The following MID1 variants were observed in gnomAD, a reference collection of about 807,000 sequenced individuals.
The protein encoded by MID1 is midline 1.
In MID1, 7 loss-of-function variants were observed where a neutral mutation model predicts 40.4. The observed-to-expected ratio is 0.17, with a 90% confidence interval of 0.10 to 0.33. The LOEUF (loss-of-function observed/expected upper bound fraction) is 0.33, where lower values mean the gene tolerates loss of function less well. Ranked by LOEUF, MID1 falls within the 10% of genes least tolerant of loss-of-function variation. The pLI is 1.00. For missense variants in MID1, 367 were observed against 558.5 expected, an observed-to-expected ratio of 0.66 and a Z score of 3.46; for synonymous variants, 229 against 221.2, an observed-to-expected ratio of 1.04 and a Z score of -0.31.
At chrX:10,729,106 G>A (rs772802117) in intron 1 of MID1, among the ~76,000 whole-genome samples, 1 of 111,790 alleles carries the variant, frequency 8.9e-6, no homozygotes, top group East Asian at 2.8e-4. Context: ...CCTAATGAAT[G>A]GGTGGCACAG....
At chrX:10,594,089 T>C (rs1785693471) in intron 1 of MID1, among the ~76,000 whole-genome samples, 1 of 111,336 alleles carries the variant, frequency 9.0e-6, no homozygotes, top group African/African-American at 3.3e-5. Flanking sequence ...TTGAAAATAG[T>C]ACAGTTGTTA....
intron 7 of MID1, among the ~76,000 whole-genome samples, chrX:10,468,651 G>C (rs1929519600): frequency 9.0e-6 from 1 of 111,571 alleles, no homozygotes; most frequent in African/African-American, 3.3e-5. Flanking sequence ...GTGGGTTGGA[G>C]GACTGCTTCC....
At position 10,523,193 on chromosome X, in the gene MID1, C is replaced by CA. The variant is rs375668839; in HGVS notation, c.661-7dup. On this transcript the variant is annotated splice_region_variant and splice_polypyrimidine_tract_variant and intron_variant, in intron 2 of 9. Coordinates refer to ENST00000317552, the MANE Select transcript of MID1 (RefSeq NM_000381.4). ...AGGTTACTCTCTAAGTTTTGCTGTT[C>CA]AAAAAAAAAAAAAAAAGAGGAAAAA... The CA allele has an allele frequency of 0.098, 68,772 of 704,538 alleles. 134 individuals carry two copies. The highest frequency in any genetic ancestry group is 0.16 in the African/African-American group (4,855 of 30,600). The allele number at this position is 704,538 out of a possible 1,213,427, so 58.1% of individuals were successfully genotyped here.
intron 1 of MID1, among the ~76,000 whole-genome samples, chrX:10,639,995 T>C (rs1453736911): frequency 9.0e-6 from 1 of 111,667 alleles, no homozygotes; most frequent in East Asian, 2.8e-4. Flanking sequence ...AGGCCTGCCT[T>C]ACAAGAGCTC....
chrX:10,632,652 T>C (rs1329510787), intron 1 of MID1, among the ~76,000 whole-genome samples: 2 of 110,278 alleles, frequency 1.8e-5, no homozygotes, highest in Admixed American at 9.6e-5. Flanking sequence ...GCCTAGAAAT[T>C]TGCATTTCTG....
intron 1 of MID1, among the ~76,000 whole-genome samples, chrX:10,639,184 G>C (rs1438280700): frequency 3.6e-5 from 4 of 112,187 alleles, no homozygotes; most frequent in Non-Finnish European, 7.5e-5. Context: ...AGAGAAGAAG[G>C]CTTCAGGTGA....
chrX:10,778,756 G>A (rs1274193285), intron 1 of MID1, among the ~76,000 whole-genome samples: 1 of 113,034 alleles, frequency 8.8e-6, no homozygotes, highest in East Asian at 2.8e-4. Flanking sequence ...ACTAGAAGCT[G>A]GAAAAGGCCA....
At chrX:10,587,572 T>C (rs1935168194) in intron 1 of MID1, among the ~76,000 whole-genome samples, 1 of 112,586 alleles carries the variant, frequency 8.9e-6, no homozygotes, top group Admixed American at 9.3e-5. Flanking sequence ...AGGACCACCT[T>C]AGTGGAAGGG....
chrX:10,698,487 G>A (rs2043174745), intron 1 of MID1, among the ~76,000 whole-genome samples: 1 of 111,203 alleles, frequency 9.0e-6, no homozygotes, highest in African/African-American at 3.3e-5. Context: ...TAGTAAGGTA[G>A]GCTGAATCTA....
chrX:10,792,839 A>G (rs748401025), intron 1 of MID1, among the ~76,000 whole-genome samples: 3 of 111,941 alleles, frequency 2.7e-5, no homozygotes, highest in Admixed American at 9.5e-5. Flanking sequence ...CTGTGAATAT[A>G]CTAGACAACC....
chrX:10,607,218 T>A (rs905146711), intron 1 of MID1, among the ~76,000 whole-genome samples: 2 of 111,965 alleles, frequency 1.8e-5, no homozygotes, highest in African/African-American at 6.5e-5. Context: ...CTTATCAAGT[T>A]TCAGCAAACC....
intron 1 of MID1, among the ~76,000 whole-genome samples, chrX:10,654,430 C>T (rs1395087305): frequency 9.0e-6 from 1 of 111,459 alleles, no homozygotes; most frequent in Admixed American, 9.5e-5. Flanking sequence ...TCCATGAATC[C>T]GGGATGGGTG....
chrX:10,689,753 C>G (rs1010037940), intron 1 of MID1, among the ~76,000 whole-genome samples: 1 of 107,691 alleles, frequency 9.3e-6, no homozygotes, highest in African/African-American at 3.4e-5. Context: ...TATAGTGCCT[C>G]TTCATGTGGT....
At chrX:10,558,709 C>T (rs1934219562) in intron 2 of MID1, among the ~76,000 whole-genome samples, 1 of 112,777 alleles carries the variant, frequency 8.9e-6, no homozygotes, top group African/African-American at 3.2e-5. Flanking sequence ...AGGCACAATG[C>T]TAAGGCACAT....
intron 1 of MID1, among the ~76,000 whole-genome samples, chrX:10,630,597 G>T (rs1936043132): frequency 9.0e-6 from 1 of 110,826 alleles, no homozygotes; most frequent in African/African-American, 3.3e-5. Flanking sequence ...GATCCTGTAG[G>T]GTCTAGTAGA....
intron 1 of MID1, among the ~76,000 whole-genome samples, chrX:10,729,833 C>A (rs770506509): frequency 1.8e-5 from 2 of 111,416 alleles, no homozygotes; most frequent in East Asian, 5.6e-4. Context: ...GCCTGTAATC[C>A]CAGCACTTTG....
intron 1 of MID1, among the ~76,000 whole-genome samples, chrX:10,635,199 G>C (rs1306380244): frequency 8.9e-6 from 1 of 112,059 alleles, no homozygotes; most frequent in Non-Finnish European, 1.9e-5. Context: ...TCTTTGTCAA[G>C]GCATTTGGTG....
chrX:10,670,391 A>G (rs1416110169), intron 1 of MID1, among the ~76,000 whole-genome samples: 3 of 111,727 alleles, frequency 2.7e-5, no homozygotes, highest in African/African-American at 9.8e-5. Context: ...TCCATATTAT[A>G]GCTTCTACAA....
chrX:10,475,515 T>C (rs1045114520), intron 5 of MID1, among the ~76,000 whole-genome samples: 1 of 111,990 alleles, frequency 8.9e-6, no homozygotes, highest in Non-Finnish European at 1.9e-5. Flanking sequence ...CTCAGGTTCA[T>C]TTGGAAGGTT....
Sources: gnomAD v4.1 joint callset for allele counts (sites outside exome capture counted in the v4.1 genomes callset) on GRCh38, gnomAD v4.1.1 for gene constraint, MANE v1.5 for transcripts, NCBI Gene and HGNC (gene_info 2026-07-23, HGNC 2026-07-21) for gene names.